Variants in EYS observed in about 807,000 individuals in gnomAD.
EYS encodes the protein EGF-like photoreceptor maintenance factor.
Under a neutral mutation model 282.1 loss-of-function variants are expected in EYS, and 250 were observed. That is an observed-to-expected ratio of 0.89 (90% CI 0.80 to 0.98). EYS has a LOEUF of 0.98. EYS is among the 50% of genes least tolerant of loss of function. EYS has a pLI of 0.00. For missense variants in EYS, 4,016 were observed against 3,709.0 expected (o/e 1.08, Z -2.15); for synonymous variants, 1,355 against 1,282.9 (o/e 1.06, Z -1.20).
At position 64,591,467 on chromosome 6, in the gene EYS, T is replaced by A; in HGVS notation, c.4400A>T (p.Glu1467Val). 1 of 1,551,360 alleles carries A rather than the reference T, an allele frequency of 6.4e-7. No individual in the cohort carries two copies. The highest frequency in any genetic ancestry group is 8.7e-7 in the Non-Finnish European group (1 of 1,146,784). ...ATPVVSRGAQ[E>V]DIEEYSADSL... ...ATCAGCTGAATATTCTTCAATATCC[T>A]CTTGAGCCCCCCTAGAGACAACTGG... Residue 1467 changes from glutamate to valine, a missense_variant, in exon 26 of 43, where the codon GAG becomes GTG. By Grantham distance (121) the Glu-to-Val change is moderately radical. Coordinates refer to ENST00000503581, the MANE Select transcript of EYS (RefSeq NM_001142800.2).
At chr6:65,535,652 G>A (rs1171136521) in intron 2 of EYS, among the ~76,000 whole-genome samples, 1 of 152,082 alleles carries the variant, frequency 6.6e-6, no homozygotes, top group Non-Finnish European at 1.5e-5. Flanking sequence ...CAGAAGAAAG[G>A]CCAATATTCC....
At chr6:65,664,311 A>G (rs1417164735) in intron 1 of EYS, among the ~76,000 whole-genome samples, 1 of 152,198 alleles carries the variant, frequency 6.6e-6, no homozygotes, top group East Asian at 1.9e-4. Flanking sequence ...GAAAGGGCAG[A>G]CTGAGATGAA....
chr6:63,794,978 G>A (rs999802532), intron 37 of EYS, among the ~76,000 whole-genome samples: 5 of 152,196 alleles, frequency 3.3e-5, no homozygotes, highest in African/African-American at 1.2e-4. Context: ...GTAGTAAAAA[G>A]AGGAGGAAGG....
At chr6:64,510,193 G>C (rs1777339538) in intron 26 of EYS, among the ~76,000 whole-genome samples, 1 of 152,068 alleles carries the variant, frequency 6.6e-6, no homozygotes, top group Non-Finnish European at 1.5e-5. Flanking sequence ...AAATTTCATG[G>C]ACAGGCTATT....
intron 12 of EYS, among the ~76,000 whole-genome samples, chr6:65,077,361 T>G (rs1774087043): frequency 6.6e-6 from 1 of 151,990 alleles, no homozygotes; most frequent in African/African-American, 2.4e-5. Context: ...AAACAGTAAA[T>G]AAAATATTTA....
intron 36 of EYS, among the ~76,000 whole-genome samples, chr6:63,833,500 A>G (rs761857755): frequency 2.0e-4 from 31 of 152,176 alleles, no homozygotes; most frequent in Non-Finnish European, 4.1e-4. Flanking sequence ...TCCAACTTAC[A>G]AGGGATGTGA....
intron 28 of EYS, among the ~76,000 whole-genome samples, chr6:64,418,867 T>C (rs1229443727): frequency 6.6e-6 from 1 of 152,042 alleles, no homozygotes; most frequent in African/African-American, 2.4e-5. Context: ...ATATTGTGAT[T>C]TGATCACACA....
intron 12 of EYS, among the ~76,000 whole-genome samples, chr6:65,067,319 C>T (rs1380838610): frequency 6.6e-6 from 1 of 152,000 alleles, no homozygotes; most frequent in Non-Finnish European, 1.5e-5. Context: ...AATGATTATT[C>T]TTCCTTAGTC....
chr6:64,837,461 T>C (rs1004412331), intron 19 of EYS, among the ~76,000 whole-genome samples: 12 of 151,158 alleles, frequency 7.9e-5, no homozygotes, highest in Non-Finnish European at 1.5e-4. Flanking sequence ...TTCAAAATAG[T>C]ACTGACAGTT....
At chr6:65,702,535 T>A (rs145312705) in intron 1 of EYS, among the ~76,000 whole-genome samples, 1,840 of 152,074 alleles carry the variant, frequency 0.012, 12 homozygotes, top group Non-Finnish European at 0.016. Context: ...CTACTAAAAA[T>A]ACAAAAATTA....
intron 18 of EYS, among the ~76,000 whole-genome samples, chr6:64,897,759 A>G (rs578022364): frequency 7.2e-5 from 11 of 152,206 alleles, no homozygotes; most frequent in Non-Finnish European, 1.6e-4. Context: ...AGAAGAACAT[A>G]AATGACCTGA....
intron 1 of EYS, among the ~76,000 whole-genome samples, chr6:65,659,092 T>C (rs1767922333): frequency 6.6e-6 from 1 of 151,630 alleles, no homozygotes; most frequent in South Asian, 2.1e-4. Flanking sequence ...TTGATTTATT[T>C]AATTTATAGC....
intron 2 of EYS, among the ~76,000 whole-genome samples, chr6:65,536,415 A>G (rs1767965975): frequency 6.6e-6 from 1 of 152,040 alleles, no homozygotes; most frequent in African/African-American, 2.4e-5. Context: ...ACCTTTATCA[A>G]ATGGTACTGG....
rs1295687100 is a variant in EYS at position 65,523,912 on chromosome 6, CCTAGT to C, written c.-332-27924_-332-27920del. Among the ~76,000 whole-genome samples, 21 of 152,304 alleles carry C rather than the reference CCTAGT, an allele frequency of 1.4e-4. 1 individual carries two copies. The highest frequency in any genetic ancestry group is 1.4e-3 in the Admixed American group (21 of 15,298). On this transcript the variant is annotated intron_variant, in intron 2 of 42. Transcript: ENST00000503581. Reference sequence around the variant, plus strand: ...TTGAGACAGAGTCTCACTCTTGTCGCCTAGTCTAGAGTGAAATGGCACGATCCCAG... The same window carrying C: ...TTGAGACAGAGTCTCACTCTTGTCGCCTAGAGTGAAATGGCACGATCCCAG...
At chr6:64,999,212 G>A (rs1048974623) in intron 13 of EYS, among the ~76,000 whole-genome samples, 1 of 152,052 alleles carries the variant, frequency 6.6e-6, no homozygotes, top group Admixed American at 6.6e-5. Context: ...AAGGGAAATC[G>A]GATACTGCAA....
At chr6:64,972,639 C>T (rs1770334168) in intron 14 of EYS, among the ~76,000 whole-genome samples, 1 of 152,094 alleles carries the variant, frequency 6.6e-6, no homozygotes, top group Admixed American at 6.6e-5. Flanking sequence ...TTTTCTCTAG[C>T]TTACTTTATT....
chr6:63,864,186 C>T lies in EYS; in HGVS notation c.7228G>A (p.Ala2410Thr). The T allele has an allele frequency of 6.8e-7, 1 of 1,480,398 alleles. No individual in the cohort carries two copies. 91.7% of individuals were successfully genotyped at this position (1,480,398 alleles called of 1,614,324 possible). Residue 2410 changes from alanine to threonine, a missense_variant and splice_region_variant, in exon 36 of 43, where the codon GCT (alanine) becomes ACT (threonine). Transcript: ENST00000503581. Reference protein sequence around the residue: ...YGRSGPLCTDAINITQPRFSG... With the variant: ...YGRSGPLCTDTINITQPRFSG... ...ATGTTTAATAATCAAATGCTCTTAC[C>T]ATCAGTGCAGAGGGGTCCAGACCTC... is the stretch of plus-strand genomic sequence containing the variant.
intron 22 of EYS, among the ~76,000 whole-genome samples, chr6:64,632,609 C>T (rs202193909): frequency 6.8e-4 from 1 of 1,462 alleles, no homozygotes; most frequent in Non-Finnish European, 9.4e-3. Flanking sequence ...GAATATCTAA[C>T]TGGATTCATC....
chr6:64,598,660 T>G (rs1766663734), intron 24 of EYS, among the ~76,000 whole-genome samples: 4 of 152,234 alleles, frequency 2.6e-5, no homozygotes, highest in Non-Finnish European at 5.9e-5. Flanking sequence ...GCCCTCTATG[T>G]CTTCACTCAA....
Sources: gnomAD v4.1 joint callset for allele counts (sites outside exome capture counted in the v4.1 genomes callset) on GRCh38, gnomAD v4.1.1 for gene constraint, MANE v1.5 for transcripts, NCBI Gene and HGNC (gene_info 2026-07-23, HGNC 2026-07-21) for gene names.